Variants in CPNE4 observed in about 807,000 individuals in gnomAD.
CPNE4 encodes the protein copine-4.
CPNE4 carries 25 observed loss-of-function variants against 67.9 expected under a neutral mutation model. That is an observed-to-expected ratio of 0.37 (90% CI 0.27 to 0.51). CPNE4 has a LOEUF of 0.51. CPNE4 is among the 20% of genes least tolerant of loss of function. The pLI is 0.93. For missense variants in CPNE4, 464 were observed against 690.8 expected, an observed-to-expected ratio of 0.67 and a Z score of 3.68; for synonymous variants, 242 against 244.9, an observed-to-expected ratio of 0.99 and a Z score of 0.11.
At chr3:131,997,978 C>T (rs1202412582) in intron 1 of CPNE4, among the ~76,000 whole-genome samples, 1 of 152,122 alleles carries the variant, frequency 6.6e-6, no homozygotes, top group Non-Finnish European at 1.5e-5. Flanking sequence ...GCCCTTATGA[C>T]TTCATCACCT....
At chr3:131,915,090 T>C (rs2089135897) in intron 1 of CPNE4, among the ~76,000 whole-genome samples, 1 of 152,256 alleles carries the variant, frequency 6.6e-6, no homozygotes, top group Non-Finnish European at 1.5e-5. Context: ...ATCAGTATTG[T>C]CAGCCTCATT....
intron 2 of CPNE4, among the ~76,000 whole-genome samples, chr3:131,776,354 C>A (rs1441137528): frequency 6.6e-6 from 1 of 152,130 alleles, no homozygotes; most frequent in Non-Finnish European, 1.5e-5. Context: ...AATGGCAGAA[C>A]AGGATTCCAA....
intron 2 of CPNE4, among the ~76,000 whole-genome samples, chr3:131,827,048 CAAAACAAAAA>C (rs1012229192): frequency 3.3e-5 from 5 of 150,858 alleles, no homozygotes; most frequent in African/African-American, 1.2e-4. Flanking sequence ...AAAAACAAAA[CAAAACAAAAA>C]AAAACAAAAC....
intron 2 of CPNE4, among the ~76,000 whole-genome samples, chr3:131,864,030 A>G (rs1046036649): frequency 1.9e-4 from 29 of 151,998 alleles, no homozygotes; most frequent in African/African-American, 7.0e-4. Flanking sequence ...ATGCGGCATT[A>G]TTTCTGAGGG....
chr3:131,968,322 CA>C (rs1397470177), intron 1 of CPNE4, among the ~76,000 whole-genome samples: 2 of 152,104 alleles, frequency 1.3e-5, no homozygotes, highest in Non-Finnish European at 1.5e-5. Flanking sequence ...ACTAAAACAC[CA>C]AAAGCAATTA....
At chr3:131,747,329 G>A (rs1052894254) in intron 2 of CPNE4, among the ~76,000 whole-genome samples, 5 of 151,538 alleles carry the variant, frequency 3.3e-5, no homozygotes, top group African/African-American at 9.7e-5. Flanking sequence ...GTGCTTTTGA[G>A]GTTTTATTCA....
intron 7 of CPNE4, among the ~76,000 whole-genome samples, chr3:131,653,485 C>T (rs1252458736): frequency 6.6e-6 from 1 of 152,158 alleles, no homozygotes; most frequent in African/African-American, 2.4e-5. Context: ...TGCCTCCAGC[C>T]TTGCCCTCAT....
intron 7 of CPNE4, among the ~76,000 whole-genome samples, chr3:131,635,784 A>G (rs1465375505): frequency 6.6e-6 from 1 of 152,128 alleles, no homozygotes; most frequent in Non-Finnish European, 1.5e-5. Context: ...TAGACAGTGC[A>G]GTGTATGGAG....
At chr3:131,990,128 C>T (rs2073143264) in intron 1 of CPNE4, among the ~76,000 whole-genome samples, 1 of 136,736 alleles carries the variant, frequency 7.3e-6, no homozygotes, top group African/African-American at 2.5e-5. Flanking sequence ...AATGTATCTT[C>T]ATTTATCATT....
At chr3:131,596,118 GAGT>G (rs1938830257) in intron 7 of CPNE4, among the ~76,000 whole-genome samples, 1 of 152,070 alleles carries the variant, frequency 6.6e-6, no homozygotes, top group African/African-American at 2.4e-5. Context: ...TTTGTTAAGT[GAGT>G]AGATCTCATT....
At chr3:131,950,041 G>A (rs1167836848) in intron 1 of CPNE4, among the ~76,000 whole-genome samples, 1 of 151,996 alleles carries the variant, frequency 6.6e-6, no homozygotes, top group Non-Finnish European at 1.5e-5. Flanking sequence ...ATAAATTCTT[G>A]TTATTTGCAG....
chr3:131,559,036 A>G (rs901131140), intron 11 of CPNE4, among the ~76,000 whole-genome samples: 2 of 151,960 alleles, frequency 1.3e-5, no homozygotes, highest in Non-Finnish European at 2.9e-5. Context: ...ATTGCTCCAG[A>G]GTGTGAAAAC....
At chr3:131,770,501 T>C (rs1456775558) in intron 2 of CPNE4, among the ~76,000 whole-genome samples, 2 of 152,164 alleles carry the variant, frequency 1.3e-5, no homozygotes, top group East Asian at 1.9e-4. Context: ...TCATCAGAGA[T>C]AGGTGGAGCT....
rs143295040 is a variant in CPNE4, at chr3:131,826,141, C to T, written c.180+79123G>A. Among the ~76,000 whole-genome samples the T allele has an allele frequency of 7.4e-3, 1,122 of 152,328 alleles. 6 individuals carry two copies. Among genetic ancestry groups the T allele is most frequent in the Non-Finnish European group, 0.011 (776 of 68,018 alleles). On this transcript the variant is annotated intron_variant, in intron 2 of 15. Coordinates refer to ENST00000429747, the MANE Select transcript of CPNE4 (RefSeq NM_130808.3). Reference sequence around the variant, plus strand: ...ACCCCTCACCCTGTAAATGTAGACACATAGATGTACTGTATATTCTAAAAC... The same window carrying T: ...ACCCCTCACCCTGTAAATGTAGACATATAGATGTACTGTATATTCTAAAAC...
At chr3:131,798,685 C>T (rs576218945) in intron 2 of CPNE4, among the ~76,000 whole-genome samples, 55 of 152,212 alleles carry the variant, frequency 3.6e-4, no homozygotes, top group Non-Finnish European at 5.9e-4. Flanking sequence ...TTTCAACCTT[C>T]CAACTTTTTC....
intron 1 of CPNE4, among the ~76,000 whole-genome samples, chr3:131,966,090 A>G (rs143764346): frequency 0.014 from 2,100 of 152,316 alleles, 58 homozygotes; most frequent in African/African-American, 0.048. Flanking sequence ...ACACAACTAC[A>G]TGGAAACTGA....
intron 2 of CPNE4, among the ~76,000 whole-genome samples, chr3:131,832,091 A>C (rs923456724): frequency 6.6e-6 from 1 of 152,208 alleles, no homozygotes; most frequent in Non-Finnish European, 1.5e-5. Flanking sequence ...AGTTCTATCT[A>C]ATGGGCTTAT....
At chr3:131,711,426 GAT>G (rs1374008996) in intron 3 of CPNE4, among the ~76,000 whole-genome samples, 5 of 152,128 alleles carry the variant, frequency 3.3e-5, no homozygotes, top group African/African-American at 4.8e-5. Flanking sequence ...AAGTTTGGGG[GAT>G]ATGTTTTCCT....
intron 14 of CPNE4, among the ~76,000 whole-genome samples, chr3:131,549,700 G>T (rs1445789418): frequency 6.6e-6 from 1 of 152,122 alleles, no homozygotes; most frequent in Admixed American, 6.6e-5. Context: ...AGTTTCTCCT[G>T]TGTTCAGACA....
Sources: gnomAD v4.1 joint callset for allele counts (sites outside exome capture counted in the v4.1 genomes callset) on GRCh38, gnomAD v4.1.1 for gene constraint, MANE v1.5 for transcripts, NCBI Gene and HGNC (gene_info 2026-07-23, HGNC 2026-07-21) for gene names.